Variants in CPXM2 observed in about 807,000 individuals in gnomAD.
CPXM2 encodes carboxypeptidase X, M14 family member 2.
A neutral mutation model predicts 86.1 loss-of-function variants in CPXM2; 66 were observed. The ratio of observed to expected loss-of-function variants is 0.77; its 90% CI spans 0.63 to 0.94. The LOEUF is 0.94. Among genes scored for constraint, CPXM2 ranks in the 40% least tolerant of loss-of-function variants. The pLI, the probability that CPXM2 is intolerant of heterozygous loss-of-function variation, is 0.00. For synonymous variants in CPXM2, 388 were observed against 400.2 expected (o/e 0.97, Z 0.36); for missense variants, 948 against 1,026.3 (o/e 0.92, Z 1.04).
chr10:123,845,580 A>G (rs1848479081), intron 3 of CPXM2, among the ~76,000 whole-genome samples: 1 of 152,126 alleles, frequency 6.6e-6, no homozygotes, highest in South Asian at 2.1e-4. Flanking sequence ...GAAATCTCAC[A>G]AAAGGAAAAC....
chr10:123,797,263 C>T (rs761454570), intron 6 of CPXM2, among the ~76,000 whole-genome samples: 38 of 152,218 alleles, frequency 2.5e-4, no homozygotes, highest in Non-Finnish European at 5.3e-4. Flanking sequence ...TTAGAATGAA[C>T]TTCTACTCCC....
intron 2 of CPXM2, among the ~76,000 whole-genome samples, chr10:123,902,801 CCG>C (rs1945395768): frequency 3.9e-5 from 6 of 152,204 alleles, no homozygotes; most frequent in Admixed American, 3.9e-4. Context: ...AACATTCAGA[CCG>C]CGACACAGAG....
chr10:123,764,641 C>T (rs1846426233), intron 10 of CPXM2, among the ~76,000 whole-genome samples: 1 of 152,076 alleles, frequency 6.6e-6, no homozygotes, highest in Admixed American at 6.6e-5. Context: ...TGTGCACCAC[C>T]ATGCCTGGCT....
rs75609745 is a variant in CPXM2, at chr10:123,899,769, G to A, written n.175-19460C>T. ...CTAAAACTGGATCCTTACCACACAC[G>A]AAAGTGGACTCCAAATGGATTAAAA... is the stretch of plus-strand genomic sequence containing the variant. On this transcript the variant is annotated intron_variant and non_coding_transcript_variant, in intron 2 of 19. Transcript: ENST00000368854. 3.9e-3 allele frequency among the ~76,000 whole-genome samples: 590 copies of A among 152,288 alleles called. 1 individual carries two copies. Among genetic ancestry groups the A allele is most frequent in the African/African-American group, 0.013 (527 of 41,554 alleles).
Position 123,885,423 on chromosome 10 carries a change from C to T in CPXM2, c.305-5114G>A, listed in dbSNP as rs1308627066. On this transcript the variant is annotated intron_variant, in intron 1 of 13. Coordinates refer to ENST00000241305, the MANE Select transcript of CPXM2 (RefSeq NM_198148.3). This position sits in a 1 kb window ranked among gnomAD's most constrained non-coding sequence, Gnocchi z 4.0. ...AATGCCCATGAGTGGCAGAACCAGA[C>T]TTTGACCTCAGCTCTCTCTTCATCC... Among the ~76,000 whole-genome samples, 2 of 151,336 alleles carry T rather than the reference C, an allele frequency of 1.3e-5. No homozygotes were observed. The highest frequency in any genetic ancestry group is 4.9e-5 in the African/African-American group (2 of 40,588).
rs891150781 is a variant in CPXM2, at chr10:123,746,660, C to A, written c.*104G>T. ...AATGCACCCTCTCTTCCAGGCACTT[C>A]TTGAATTACAGAGGAAACAACAGTG... On this transcript the variant is annotated 3_prime_UTR_variant, in exon 14 of 14. Coordinates refer to ENST00000241305, the MANE Select transcript of CPXM2 (RefSeq NM_198148.3). 5 of 1,154,578 alleles carry A rather than the reference C, an allele frequency of 4.3e-6. No individual in the cohort carries two copies. The highest frequency in any genetic ancestry group is 3.1e-5 in the African/African-American group (2 of 65,208). 71.5% of individuals were successfully genotyped at this position (1,154,578 alleles called of 1,614,324 possible).
At chr10:123,890,334 G>T (rs1482580530) in intron 1 of CPXM2, among the ~76,000 whole-genome samples, 1 of 152,164 alleles carries the variant, frequency 6.6e-6, no homozygotes, top group Non-Finnish European at 1.5e-5. Flanking sequence ...CTGCAAAGGG[G>T]GGTGCTCATA....
chr10:123,871,259 C>T (rs558422820), intron 2 of CPXM2, among the ~76,000 whole-genome samples: 32 of 152,324 alleles, frequency 2.1e-4, no homozygotes, highest in Non-Finnish European at 4.3e-4. Context: ...TAGTCTGTCT[C>T]CCTGAACAGG....
chr10:123,798,561 G>A (rs926150468), intron 5 of CPXM2, among the ~76,000 whole-genome samples: 1 of 152,196 alleles, frequency 6.6e-6, no homozygotes, highest in African/African-American at 2.4e-5. Context: ...ATAGGCAGAA[G>A]AGCAGCTGTT....
intron 7 of CPXM2, among the ~76,000 whole-genome samples, chr10:123,775,659 C>A (rs1007338428): frequency 6.6e-6 from 1 of 152,204 alleles, no homozygotes; most frequent in African/African-American, 2.4e-5. Flanking sequence ...ACTTTCCCAC[C>A]GATGGCAAAG....
chr10:123,821,004 C>T (rs1847913241), intron 4 of CPXM2, among the ~76,000 whole-genome samples: 2 of 152,202 alleles, frequency 1.3e-5, no homozygotes, highest in Non-Finnish European at 2.9e-5. Context: ...CTGCCTACAA[C>T]AAGAACCCCA....
At chr10:123,848,318 G>A (rs1442976319) in intron 3 of CPXM2, among the ~76,000 whole-genome samples, 1 of 152,144 alleles carries the variant, frequency 6.6e-6, no homozygotes, top group Non-Finnish European at 1.5e-5. Context: ...TCTGCAAATT[G>A]GCAATGCACC....
intron 2 of CPXM2, among the ~76,000 whole-genome samples, chr10:123,928,054 C>A (rs1412328511): frequency 6.6e-6 from 1 of 152,192 alleles, no homozygotes; most frequent in African/African-American, 2.4e-5. Flanking sequence ...AGCTTGTCTG[C>A]CAAACCTCCT....
chr10:123,886,296 A>AT (rs1945176955), intron 1 of CPXM2, among the ~76,000 whole-genome samples: 1 of 152,044 alleles, frequency 6.6e-6, no homozygotes, highest in African/African-American at 2.4e-5. Context: ...ACACACTCCC[A>AT]TTTTGCCCAG....
At chr10:123,846,618 G>T (rs1055951003) in intron 3 of CPXM2, among the ~76,000 whole-genome samples, 3 of 152,124 alleles carry the variant, frequency 2.0e-5, no homozygotes, top group East Asian at 3.8e-4. Context: ...AAAAAAATGA[G>T]GCAGAACACT....
chr10:123,768,376 AAAATAAATAAATAAAT>A (rs57827983), intron 9 of CPXM2, 134 bp downstream of exon 9: 129,999 of 321,896 alleles, frequency 0.4, 27,564 homozygotes, highest in East Asian at 0.62. Context: ...TCCGACTCAA[AAAATAAATAAATAAAT>A]AAATAAATAA....
chr10:123,815,436 C>T (rs997168954), intron 4 of CPXM2, among the ~76,000 whole-genome samples: 4 of 152,152 alleles, frequency 2.6e-5, no homozygotes, highest in Admixed American at 1.3e-4. Flanking sequence ...AGAATGGGAT[C>T]CTGCAACTTG....
intron 2 of CPXM2, among the ~76,000 whole-genome samples, chr10:123,916,779 T>TC (rs1442598230): frequency 3.5e-4 from 21 of 59,884 alleles, no homozygotes; most frequent in South Asian, 2.2e-3. Context: ...TCTCTCTCTC[T>TC]TTTTTTTTTT....
In CPXM2 at chr10:123,899,975, C is replaced by T. The variant is rs538805588; in HGVS notation, n.175-19666G>A. On this transcript the variant is annotated intron_variant and non_coding_transcript_variant, in intron 2 of 19. Coordinates refer to the CPXM2 transcript ENST00000368854. The stretch of plus-strand genomic sequence containing the variant: ...ATCAAGATAAAAGATTAATGTTCTA[C>T]AAAGGACACACTGAACAAAATGAAC... 3.9e-5 allele frequency among the ~76,000 whole-genome samples: 6 copies of T among 152,290 alleles called. No homozygotes were observed. The South Asian group carries it at 1.2e-3, about 32-fold the overall frequency.
Sources: allele counts gnomAD v4.1 joint callset (sites outside exome capture counted in the v4.1 genomes callset), GRCh38; gene constraint gnomAD v4.1.1; non-coding constraint Gnocchi (gnomAD v3.1); transcripts MANE v1.5; gene names NCBI Gene and HGNC (gene_info 2026-07-23, HGNC 2026-07-21).